Variants in GAREM1 observed in about 807,000 individuals in gnomAD.
GAREM1 encodes the protein GRB2-associated and regulator of MAPK protein 1.
GAREM1 carries 26 observed loss-of-function variants against 71.3 expected under a neutral mutation model. That is an observed-to-expected ratio of 0.36 (90% confidence interval 0.27 to 0.51). The LOEUF is 0.51. Among genes scored for constraint, GAREM1 ranks in the 20% least tolerant of loss-of-function variants. The pLI is 0.95. For missense variants in GAREM1, 1,026 were observed against 1,103.1 expected (o/e 0.93, Z 0.99); for synonymous variants, 440 against 433.2 (o/e 1.02, Z -0.20).
chr18:32,445,219 A>G (rs1266642264), intron 1 of GAREM1, among the ~76,000 whole-genome samples: 1 of 152,192 alleles, frequency 6.6e-6, no homozygotes, highest in Non-Finnish European at 1.5e-5. Context: ...ATCAGCATCT[A>G]TATAAACTAA....
chr18:32,375,971 C>T (rs922773812), intron 2 of GAREM1, among the ~76,000 whole-genome samples: 1 of 151,870 alleles, frequency 6.6e-6, no homozygotes, highest in African/African-American at 2.4e-5. Context: ...CAGAAGTCTG[C>T]ATGAACTTAG....
intron 1 of GAREM1, among the ~76,000 whole-genome samples, chr18:32,464,108 T>C (rs2048977398): frequency 6.6e-6 from 1 of 151,236 alleles, no homozygotes; most frequent in Non-Finnish European, 1.5e-5. Flanking sequence ...CTGGCCAATA[T>C]GGTGAAACCC....
chr18:32,433,761 T>C (rs1269713119), intron 1 of GAREM1, among the ~76,000 whole-genome samples: 2 of 152,090 alleles, frequency 1.3e-5, no homozygotes, highest in Non-Finnish European at 2.9e-5. Context: ...ATCTGTATGC[T>C]GAAAATGACA....
At chr18:32,370,992 G>C (rs1269351578) in intron 2 of GAREM1, among the ~76,000 whole-genome samples, 1 of 152,132 alleles carries the variant, frequency 6.6e-6, no homozygotes, top group Non-Finnish European at 1.5e-5. Flanking sequence ...GAAGAGCTCA[G>C]GATCTACTGG....
Position 32,411,944 on chromosome 18 carries a change from C to CA in GAREM1, c.122-18910dup, listed in dbSNP as rs949831218. On this transcript the variant is annotated intron_variant, in intron 1 of 5. Transcript: ENST00000269209. ...CATTTAGCAATCAACAGCATGGGTG[C>CA]AAAAAAAAAAAATCTACATTAAAAC... 5.0e-3 allele frequency among the ~76,000 whole-genome samples: 704 copies of CA among 141,322 alleles called. 6 individuals carry two copies. The highest frequency in any genetic ancestry group is 0.022 in the South Asian group (98 of 4,426). 92.7% of individuals were successfully genotyped at this position (141,322 alleles called of 152,430 possible).
chr18:32,464,470 A>G (rs1353819864), intron 1 of GAREM1, among the ~76,000 whole-genome samples: 1 of 152,248 alleles, frequency 6.6e-6, no homozygotes, highest in Admixed American at 6.5e-5. Flanking sequence ...CCTCAGCAAC[A>G]AAACGAGAAC....
intron 1 of GAREM1, among the ~76,000 whole-genome samples, chr18:32,414,564 A>G (rs2048449908): frequency 6.6e-6 from 1 of 152,082 alleles, no homozygotes; most frequent in African/African-American, 2.4e-5. Context: ...ATAACAAGAA[A>G]AATTTTGGAA....
intron 2 of GAREM1, among the ~76,000 whole-genome samples, chr18:32,334,016 G>T (rs2047564215): frequency 6.6e-6 from 1 of 152,218 alleles, no homozygotes; most frequent in Non-Finnish European, 1.5e-5. Context: ...GGCAGGATCT[G>T]TCAGGGATGC....
chr18:32,288,091 T>C lies in GAREM1; in HGVS notation c.506A>G (p.Lys169Arg), dbSNP rs1461353553. ...GATTGTGTTGAGTCGTGACTTTTCC[T>C]TGAATGTCTTTGCATAAAGGATTTC... ...QAEILYAKTF[K>R]EKSRLNTIFK... Residue 169 changes from lysine (K) to arginine (R), a missense_variant, in exon 4 of 6, where the codon AAG becomes AGG. Physicochemically the swap from Lys to Arg is conservative, Grantham distance 26. Around this residue, in one of 3 missense-constraint regions of GAREM1, gnomAD observed 218 missense variants for 296.8 expected, o/e 0.73. Coordinates refer to ENST00000269209, the MANE Select transcript of GAREM1 (RefSeq NM_001242409.2). 6.2e-7 allele frequency: 1 copy of C among 1,614,194 alleles called. No homozygotes were observed. The highest frequency in any genetic ancestry group is 8.5e-7 in the Non-Finnish European group (1 of 1,180,036).
In GAREM1 at chr18:32,268,850, G is replaced by A. The variant is rs762266427; in HGVS notation, c.1734-82C>T. 2.5e-6 allele frequency: 3 copies of A among 1,184,912 alleles called. No individual in the cohort carries two copies. The Admixed American group carries it at 6.9e-5, about 27-fold the overall frequency. The allele number at this position is 1,184,912 out of a possible 1,614,324, so 73.4% of individuals were successfully genotyped here. Reference sequence around the variant, plus strand: ...GCTTTTGTTATTTATAGACGTTACTGCTGAGTAGAAAAGCGCAGTTAGTTT... The same window carrying A: ...GCTTTTGTTATTTATAGACGTTACTACTGAGTAGAAAAGCGCAGTTAGTTT... On this transcript the variant is annotated intron_variant, in intron 5 of 5. Transcript: ENST00000269209.
At chr18:32,271,285 C>T (rs1037370703) in intron 4 of GAREM1, among the ~76,000 whole-genome samples, 2 of 152,032 alleles carry the variant, frequency 1.3e-5, no homozygotes, top group Non-Finnish European at 2.9e-5. Flanking sequence ...CTCTGCTTCC[C>T]GAGTTCAAGC....
At chr18:32,313,015 T>C (rs1159476348) in intron 2 of GAREM1, among the ~76,000 whole-genome samples, 1 of 152,224 alleles carries the variant, frequency 6.6e-6, no homozygotes, top group Non-Finnish European at 1.5e-5. Context: ...GGCAGCATTT[T>C]TTAAGTTCTT....
intron 1 of GAREM1, among the ~76,000 whole-genome samples, chr18:32,438,232 A>G (rs766043450): frequency 2.0e-5 from 3 of 152,206 alleles, no homozygotes; most frequent in Admixed American, 1.3e-4. Context: ...AACCGGATTT[A>G]TCTGGCAGAG....
At chr18:32,269,172 T>C (rs1295368609) in intron 5 of GAREM1, among the ~76,000 whole-genome samples, 1 of 152,196 alleles carries the variant, frequency 6.6e-6, no homozygotes, top group Non-Finnish European at 1.5e-5. Context: ...ATGCTTGCCA[T>C]GCTTGTGCTA....
chr18:32,304,171 G>A (rs984327785), intron 3 of GAREM1, among the ~76,000 whole-genome samples: 3 of 152,000 alleles, frequency 2.0e-5, no homozygotes, highest in African/African-American at 7.3e-5. Context: ...GCCAGGCATG[G>A]TGGTGCGTGC....
intron 1 of GAREM1, among the ~76,000 whole-genome samples, chr18:32,396,698 A>ATG: frequency 6.6e-6 from 1 of 152,352 alleles, no homozygotes; most frequent in Non-Finnish European, 1.5e-5. Flanking sequence ...CCTGAAAGTG[A>ATG]CAGGGAGAAT....
chr18:32,451,720 A>T (rs1021751244), intron 1 of GAREM1, among the ~76,000 whole-genome samples: 2 of 152,206 alleles, frequency 1.3e-5, no homozygotes, highest in Admixed American at 1.3e-4. Flanking sequence ...CAAAATGACC[A>T]GAATAACCCT....
chr18:32,459,351 A>G (rs113338710), intron 1 of GAREM1, among the ~76,000 whole-genome samples: 11 of 151,824 alleles, frequency 7.2e-5, no homozygotes, highest in African/African-American at 2.7e-4. Flanking sequence ...TCTATCTTAC[A>G]CACAACTGAA....
At chr18:32,284,078 C>T (rs1042115469) in intron 4 of GAREM1, among the ~76,000 whole-genome samples, 1 of 152,010 alleles carries the variant, frequency 6.6e-6, no homozygotes, top group Non-Finnish European at 1.5e-5. Flanking sequence ...AAATTTATGC[C>T]CCATTAAAGT....
Sources: gnomAD v4.1 joint callset for allele counts (sites outside exome capture counted in the v4.1 genomes callset) on GRCh38, gnomAD v4.1.1 for gene constraint, gnomAD v4.1.1 regional missense constraint, MANE v1.5 for transcripts, NCBI Gene and HGNC (gene_info 2026-07-23, HGNC 2026-07-21) for gene names.